Variants in NR2F1-AS1 observed in about 807,000 individuals in gnomAD.
NR2F1-AS1 encodes NR2F1 regulatory antisense RNA 1.
At chr5:93,524,832 G>A (rs895357333) in intron 4 of NR2F1-AS1, among the ~76,000 whole-genome samples, 3 of 152,040 alleles carry the variant, frequency 2.0e-5, no homozygotes, top group Non-Finnish European at 4.4e-5. Context: ...CCACCAGGCC[G>A]GCCTTACAAG....
rs140673546 is a variant in NR2F1-AS1, at chr5:93,422,049, G to A, written n.639-26507C>T. ...AATCTAAATTCAAAACTGACTGCAAGGCTATGAGCTATGTGCTGGCGTGCA... is the reference window on the plus strand; with the variant it reads ...AATCTAAATTCAAAACTGACTGCAAAGCTATGAGCTATGTGCTGGCGTGCA... On this transcript the variant is annotated intron_variant and non_coding_transcript_variant, in intron 4 of 5. Transcript: ENST00000660523. Among the ~76,000 whole-genome samples, 46 of 152,286 alleles carry A rather than the reference G, an allele frequency of 3.0e-4. No homozygotes were observed. In the East Asian group the frequency reaches 8.3e-3, roughly 27 times the overall value.
chr5:93,581,720 CTCTCTCTCT>C (rs1753050300), upstream of NR2F1-AS1, among the ~76,000 whole-genome samples: 1 of 69,434 alleles, frequency 1.4e-5, no homozygotes, highest in African/African-American at 7.9e-5. Flanking sequence ...CTCTCTCTCT[CTCTCTCTCT>C]CTCTCCCCCT....
rs191978715 is a variant in NR2F1-AS1, at chr5:93,444,313, G to A, written n.639-48771C>T. On this transcript the variant is annotated intron_variant and non_coding_transcript_variant, in intron 4 of 5. Coordinates refer to ENST00000660523, the Ensembl canonical transcript of NR2F1-AS1. ...GCTGTATTCAGGAGACTCATCTCAGGTGCAGAGACACACACAGGCTCAAAA... is the reference window on the plus strand; with the variant it reads ...GCTGTATTCAGGAGACTCATCTCAGATGCAGAGACACACACAGGCTCAAAA... Among the ~76,000 whole-genome samples, 4 of 152,260 alleles carry A rather than the reference G, an allele frequency of 2.6e-5. No homozygotes were observed. In the East Asian group the frequency reaches 5.8e-4, roughly 22 times the overall value.
At chr5:93,453,309 T>C (rs894220772) in intron 4 of NR2F1-AS1, among the ~76,000 whole-genome samples, 2 of 151,966 alleles carry the variant, frequency 1.3e-5, no homozygotes, top group Non-Finnish European at 2.9e-5. Context: ...CTCAGGTACC[T>C]GTACGACCAT....
intron 4 of NR2F1-AS1, among the ~76,000 whole-genome samples, chr5:93,523,052 A>T (rs998593480): frequency 4.6e-5 from 7 of 152,032 alleles, no homozygotes; most frequent in Non-Finnish European, 8.8e-5. Context: ...AGTGGTCTAT[A>T]GCGGATCCCA....
upstream of NR2F1-AS1, chr5:93,585,573 G>T (rs1753215236): frequency 1.9e-6 from 2 of 1,080,500 alleles, no homozygotes; most frequent in Non-Finnish European, 2.7e-6. Flanking sequence ...GTTGCTGTGT[G>T]GGGCTGGGGC....
chr5:93,570,480 T>G (rs1039547432), intron 1 of NR2F1-AS1: 2 of 152,220 alleles, frequency 1.3e-5, no homozygotes, highest in African/African-American at 4.8e-5. Context: ...CTTAAAAGAT[T>G]GGCGGGGACC....
intron 4 of NR2F1-AS1, among the ~76,000 whole-genome samples, chr5:93,484,294 A>G (rs1750669041): frequency 6.6e-6 from 1 of 152,204 alleles, no homozygotes; most frequent in Non-Finnish European, 1.5e-5. Context: ...GGGGGCCAAT[A>G]TTCAACATTC....
intron 4 of NR2F1-AS1, among the ~76,000 whole-genome samples, chr5:93,412,545 T>C (rs533658643): frequency 6.6e-6 from 1 of 152,322 alleles, no homozygotes; most frequent in African/African-American, 2.4e-5. Context: ...TTACTCTACA[T>C]TGCTTCTTCA....
chr5:93,461,496 A>G (rs1359712327), intron 4 of NR2F1-AS1, among the ~76,000 whole-genome samples: 1 of 152,182 alleles, frequency 6.6e-6, no homozygotes, highest in African/African-American at 2.4e-5. Context: ...TTAAAATAAA[A>G]GTGGGAAATT....
chr5:93,562,872 A>G (rs1173402918), intron 2 of NR2F1-AS1, among the ~76,000 whole-genome samples: 1 of 152,250 alleles, frequency 6.6e-6, no homozygotes, highest in Admixed American at 6.5e-5. Flanking sequence ...CAATAAGCAC[A>G]ATGGTCACAT....
At chr5:93,419,166 C>T (rs1481890354) in intron 4 of NR2F1-AS1, among the ~76,000 whole-genome samples, 2 of 152,140 alleles carry the variant, frequency 1.3e-5, no homozygotes, top group African/African-American at 4.8e-5. Context: ...GAGCACTGTG[C>T]AGCCATTAAA....
At chr5:93,534,388 A>G (rs1008390608) in intron 4 of NR2F1-AS1, among the ~76,000 whole-genome samples, 1 of 152,178 alleles carries the variant, frequency 6.6e-6, no homozygotes, top group Non-Finnish European at 1.5e-5. Context: ...GAGTCTTTTT[A>G]TTTCACACTC....
At chr5:93,521,187 C>A (rs1051185057) in intron 4 of NR2F1-AS1, among the ~76,000 whole-genome samples, 3 of 152,110 alleles carry the variant, frequency 2.0e-5, no homozygotes, top group African/African-American at 7.2e-5. Flanking sequence ...TGAAGCTGGA[C>A]CCCTTCCTTA....
intron 4 of NR2F1-AS1, among the ~76,000 whole-genome samples, chr5:93,462,662 T>C (rs936735838): frequency 2.6e-5 from 4 of 152,076 alleles, no homozygotes; most frequent in African/African-American, 9.7e-5. Context: ...CTGACAAAAA[T>C]GCTGATAATG....
In NR2F1-AS1 at chr5:93,562,385, C is replaced by T. The variant is rs576585176; in HGVS notation, n.413+979G>A. 1.9e-3 allele frequency among the ~76,000 whole-genome samples: 285 copies of T among 152,104 alleles called. 1 individual carries two copies. Among genetic ancestry groups the T allele is most frequent in the Non-Finnish European group, 2.9e-3 (199 of 67,978 alleles). The stretch of plus-strand genomic sequence containing the variant: ...CAGCTCACTGCAGCCTTGACCTCCC[C>T]GGCTCAAGTGATCCTCCCACCTCAG... On this transcript the variant is annotated intron_variant and non_coding_transcript_variant, in intron 2 of 5. Transcript: ENST00000660523.
intron 4 of NR2F1-AS1, among the ~76,000 whole-genome samples, chr5:93,452,526 G>A (rs1476020784): frequency 6.6e-6 from 1 of 152,154 alleles, no homozygotes; most frequent in African/African-American, 2.4e-5. Context: ...ACAGGAGGTA[G>A]CTAAATGGAA....
In NR2F1-AS1 at chr5:93,496,208, A is replaced by G. The variant is rs1486076882; in HGVS notation, n.638+57553T>C. On this transcript the variant is annotated intron_variant and non_coding_transcript_variant, in intron 4 of 5. Coordinates refer to ENST00000660523, the Ensembl canonical transcript of NR2F1-AS1. Reference sequence around the variant, plus strand: ...AAAATAAACAAAAAACCCACATTTCATCTACCTTTGTCTGTATGTAAATAA... The same window carrying G: ...AAAATAAACAAAAAACCCACATTTCGTCTACCTTTGTCTGTATGTAAATAA... 2.0e-5 allele frequency: 3 copies of G among 152,298 alleles called. No homozygotes were observed. In the East Asian group the frequency reaches 5.8e-4, roughly 29 times the overall value. The allele number at this position is 152,298 out of a possible 1,614,324, so 9.4% of individuals were successfully genotyped here.
chr5:93,528,191 G>A (rs1751662040), intron 4 of NR2F1-AS1, among the ~76,000 whole-genome samples: 2 of 152,086 alleles, frequency 1.3e-5, no homozygotes, highest in African/African-American at 2.4e-5. Context: ...GTGGGCAAAC[G>A]ATATGAACAG....
Sources: gnomAD v4.1 joint callset for allele counts (sites outside exome capture counted in the v4.1 genomes callset) on GRCh38, gnomAD v4.1.1 for gene constraint, MANE v1.5 for transcripts, NCBI Gene and HGNC (gene_info 2026-07-23, HGNC 2026-07-21) for gene names.